The following CACNA1D variants were observed in gnomAD, a reference collection of about 807,000 sequenced individuals.
CACNA1D encodes voltage-dependent L-type calcium channel subunit alpha-1D.
Under a neutral mutation model 257.1 loss-of-function variants are expected in CACNA1D, and 55 were observed. The observed-to-expected ratio is 0.21, with a 90% CI of 0.17 to 0.27. The LOEUF (loss-of-function observed/expected upper bound fraction) is 0.27. CACNA1D is among the 10% of genes least tolerant of loss of function. CACNA1D has a pLI of 1.00. For missense variants in CACNA1D, 1,876 were observed against 2,784.0 expected, an observed-to-expected ratio of 0.67 and a Z score of 7.34; for synonymous variants, 980 against 1,014.9, an observed-to-expected ratio of 0.97 and a Z score of 0.65.
In CACNA1D at chr3:53,770,406, TCCATGATAA is replaced by T. The variant is rs1297206609; in HGVS notation, c.3916-15_3916-7del. 6.2e-7 allele frequency: 1 copy of T among 1,613,378 alleles called. No individual in the cohort carries two copies. Among genetic ancestry groups the T allele is most frequent in the Admixed American group, 1.7e-5 (1 of 60,026 alleles). On this transcript the variant is annotated splice_polypyrimidine_tract_variant and intron_variant, in intron 31 of 47. Coordinates refer to ENST00000350061, the MANE Select transcript of CACNA1D (RefSeq NM_001128840.3). ...TCTACTTTCCATTGGGTTTGACCTC[TCCATGATAA>T]CCCTTCAGAACTCTGAAGAGAGCAA...
At position 53,508,277 on chromosome 3, in the gene CACNA1D, A is replaced by G. The variant is rs146292183; in HGVS notation, c.483+6557A>G. Among the ~76,000 whole-genome samples the G allele has an allele frequency of 2.3e-3, 351 of 152,130 alleles. 2 individuals are homozygous for G. The highest frequency in any genetic ancestry group is 7.9e-3 in the African/African-American group (328 of 41,510). On this transcript the variant is annotated intron_variant, in intron 3 of 47. Coordinates refer to ENST00000350061, the MANE Select transcript of CACNA1D (RefSeq NM_001128840.3). ...CACCTAGGTATTAAGCCCTGCATGC[A>G]TTAGCTATTTATCCTGATGCTCTTC...
At chr3:53,803,357 G>T in intron 43 of CACNA1D, 66 bp from the exon 44 acceptor site, 1 of 1,591,732 alleles carries the variant, frequency 6.3e-7, no homozygotes. Context: ...CACAGGCAGA[G>T]GTGCAGCTGC....
chr3:53,574,588 CG>C (rs1397949463), intron 3 of CACNA1D, among the ~76,000 whole-genome samples: 1 of 152,178 alleles, frequency 6.6e-6, no homozygotes, highest in Non-Finnish European at 1.5e-5. Flanking sequence ...TTAAATTCTA[CG>C]AGAAGTCCAT....
intron 3 of CACNA1D, among the ~76,000 whole-genome samples, chr3:53,567,593 G>A (rs969946199): frequency 4.6e-5 from 7 of 152,126 alleles, no homozygotes; most frequent in Non-Finnish European, 7.3e-5. Flanking sequence ...ACAGAGGAGC[G>A]AGAACTTACT....
intron 46 of CACNA1D, 191 bp downstream of exon 46, chr3:53,808,961 A>G: frequency 1.6e-6 from 1 of 636,088 alleles, no homozygotes; most frequent in South Asian, 2.0e-5. Context: ...CCAAGCTCAC[A>G]CAAGTGACTG....
chr3:53,722,218 C>T, intron 11 of CACNA1D, 96 bp from the exon 12 acceptor site: 1 of 1,366,452 alleles, frequency 7.3e-7, no homozygotes, highest in South Asian at 1.2e-5. Context: ...CAATCTAGAC[C>T]TCCAGAGTGA....
At chr3:53,660,027 C>T in intron 4 of CACNA1D, 106 bp from the exon 5 acceptor site, 1 of 974,596 alleles carries the variant, frequency 1.0e-6, no homozygotes, top group Middle Eastern at 2.1e-4. Context: ...ATTTAAGCAG[C>T]AGCCACACAG....
Position 53,805,056 on chromosome 3 carries a change from C to T in CACNA1D, c.5659C>T (p.Pro1887Ser), listed in dbSNP as rs1157913611. Residue 1887 changes from proline to serine, a missense_variant, in exon 45 of 48, where the codon CCC (proline) becomes TCC (serine). Around this residue, in one of 10 missense-constraint regions of CACNA1D, gnomAD observed 491 missense variants for 554.3 expected, o/e 0.89. Transcript: ENST00000350061. ...DSERPRGYHHPQGFLEDDDSP... is the reference protein window; with the variant it reads ...DSERPRGYHHSQGFLEDDDSP... ...TGAGAGGCCCCGAGGCTACCATCAT[C>T]CCCAAGGATTCTTGGAGGACGATGA... The T allele has an allele frequency of 1.4e-5, 22 of 1,614,044 alleles. No individual in the cohort carries two copies. Among genetic ancestry groups the T allele is most frequent in the Non-Finnish European group, 1.7e-5 (20 of 1,180,008 alleles).
chr3:53,669,841 G>T (rs954457797), intron 7 of CACNA1D, among the ~76,000 whole-genome samples: 1 of 152,190 alleles, frequency 6.6e-6, no homozygotes, highest in African/African-American at 2.4e-5. Context: ...AGGGTGTAGG[G>T]CAGGGAAAGA....
At chr3:53,724,985 C>G (rs1009729565) in intron 14 of CACNA1D, among the ~76,000 whole-genome samples, 1 of 137,222 alleles carries the variant, frequency 7.3e-6, no homozygotes, top group Non-Finnish European at 1.5e-5. Flanking sequence ...AAAAAAATTT[C>G]TTTCAGAGAA....
At chr3:53,545,477 G>C (rs1390705517) in intron 3 of CACNA1D, among the ~76,000 whole-genome samples, 1 of 152,216 alleles carries the variant, frequency 6.6e-6, no homozygotes, top group African/African-American at 2.4e-5. Context: ...GCCCGAAGGA[G>C]GTTCTTAGAG....
intron 40 of CACNA1D, among the ~76,000 whole-genome samples, chr3:53,798,546 G>T (rs1377458990): frequency 6.6e-6 from 1 of 152,138 alleles, no homozygotes; most frequent in Middle Eastern, 3.2e-3. Context: ...GAAGCTTAAA[G>T]CTTTCATTCC....
chr3:53,691,709 A>AT (rs1427517565), intron 8 of CACNA1D, among the ~76,000 whole-genome samples: 2 of 54,708 alleles, frequency 3.7e-5, no homozygotes, highest in African/African-American at 1.8e-4. Context: ...TTACATATAT[A>AT]ATATATATAT....
At chr3:53,612,531 G>A (rs1388353937) in intron 3 of CACNA1D, among the ~76,000 whole-genome samples, 1 of 152,236 alleles carries the variant, frequency 6.6e-6, no homozygotes, top group Non-Finnish European at 1.5e-5. Context: ...GATCTGTTCA[G>A]CTCACAGTTT....
chr3:53,534,947 T>A (rs1016615257), intron 3 of CACNA1D, among the ~76,000 whole-genome samples: 1 of 152,150 alleles, frequency 6.6e-6, no homozygotes, highest in African/African-American at 2.4e-5. Context: ...TGTCTCTGTG[T>A]CTCTTTGTTC....
intron 3 of CACNA1D, among the ~76,000 whole-genome samples, chr3:53,630,637 G>A (rs1305082081): frequency 1.3e-5 from 2 of 152,168 alleles, no homozygotes; most frequent in African/African-American, 2.4e-5. Context: ...TGGCTTGGGC[G>A]TTAGTCATTA....
intron 3 of CACNA1D, among the ~76,000 whole-genome samples, chr3:53,529,230 T>A (rs1307240314): frequency 6.6e-6 from 1 of 152,204 alleles, no homozygotes; most frequent in Non-Finnish European, 1.5e-5. Context: ...GGATGTTGAA[T>A]TTTGTCAAAT....
intron 42 of CACNA1D, 67 bp from the exon 43 acceptor site, chr3:53,802,080 T>C: frequency 7.3e-7 from 1 of 1,367,480 alleles, no homozygotes; most frequent in Non-Finnish European, 1.0e-6. Context: ...ATGTTTGCAT[T>C]GTAAATTTGG....
intron 39 of CACNA1D, chr3:53,786,455 G>A: frequency 6.8e-6 from 2 of 295,698 alleles, no homozygotes; most frequent in South Asian, 3.5e-5. Context: ...TATGCACAGG[G>A]GTGAAATGTG....
Sources: gnomAD v4.1 joint callset for allele counts (sites outside exome capture counted in the v4.1 genomes callset) on GRCh38, gnomAD v4.1.1 for gene constraint, gnomAD v4.1.1 regional missense constraint, MANE v1.5 for transcripts, NCBI Gene and HGNC (gene_info 2026-07-23, HGNC 2026-07-21) for gene names.